PCDH11Y: variants seen among roughly 807,000 people sequenced by gnomAD.
PCDH11Y encodes the protein protocadherin-11 Y-linked.
For missense variants in PCDH11Y, 12 were observed against 224.8 expected, an observed-to-expected ratio of 0.05 and a Z score of 6.05; for synonymous variants, 9 against 83.6, an observed-to-expected ratio of 0.11 and a Z score of 4.87.
At position 5,099,610 on chromosome Y, in the gene PCDH11Y, G is replaced by T. The variant is rs2052767458; in HGVS notation, c.2032G>T (p.Glu678Ter). Residue 678 changes from glutamate (E) to a stop codon, truncating the protein, a stop_gained, in exon 2 of 2, where the codon GAG becomes TAG. Transcript: ENST00000215473. LOFTEE classifies it high-confidence loss of function. Reference sequence around the variant, plus strand: ...ATCTTACACTTTCTATGTAAAGGCTGAGGATGGTGGTAGAGTATCACGTTC... The same window carrying T: ...ATCTTACACTTTCTATGTAAAGGCTTAGGATGGTGGTAGAGTATCACGTTC... 2.6e-6 allele frequency: 1 copy of T among 388,546 alleles called. No homozygotes were observed. Among genetic ancestry groups the T allele is most frequent in the African/African-American group, 7.0e-5 (1 of 14,349 alleles).
intron 1 of PCDH11Y, among the ~76,000 whole-genome samples, chrY:5,093,425 A>G: frequency 3.0e-5 from 1 of 33,175 alleles, no homozygotes; most frequent in Non-Finnish European, 7.5e-5. Flanking sequence ...CCAAAAATCA[A>G]CATATCATGT....
intron 2 of PCDH11Y, among the ~76,000 whole-genome samples, chrY:5,460,959 C>T (rs2053302654): frequency 6.1e-5 from 2 of 32,924 alleles, no homozygotes; most frequent in Non-Finnish European, 1.5e-4. Context: ...GTATTTTCTA[C>T]GGTATTGAAA....
chrY:5,190,220 A>G, intron 2 of PCDH11Y, among the ~76,000 whole-genome samples: 2 of 33,190 alleles, frequency 6.0e-5, no homozygotes, highest in Admixed American at 5.6e-4. Flanking sequence ...AACTTAATTT[A>G]TAGAGGAGGG....
chrY:5,682,098 T>G, intron 4 of PCDH11Y, among the ~76,000 whole-genome samples: 1 of 31,111 alleles, frequency 3.2e-5, no homozygotes. Flanking sequence ...AACCAGTCAC[T>G]AAAAAGTTTC....
intron 1 of PCDH11Y, among the ~76,000 whole-genome samples, chrY:5,014,730 A>G: frequency 3.0e-5 from 1 of 33,089 alleles, no homozygotes; most frequent in Admixed American, 2.8e-4. Flanking sequence ...TAGACTGTTA[A>G]TAATACACTA....
chrY:5,125,591 C>T (rs2052824213), intron 2 of PCDH11Y, among the ~76,000 whole-genome samples: 1 of 33,723 alleles, frequency 3.0e-5, no homozygotes, highest in African/African-American at 1.2e-4. Flanking sequence ...TATCATATCA[C>T]TTGCAGTTTT....
At chrY:5,327,014 G>T in intron 2 of PCDH11Y, among the ~76,000 whole-genome samples, 1 of 32,968 alleles carries the variant, frequency 3.0e-5, no homozygotes, top group African/African-American at 1.2e-4. Flanking sequence ...TTGTTGTTTT[G>T]TAAGGGATTG....
intron 2 of PCDH11Y, among the ~76,000 whole-genome samples, chrY:5,316,431 A>G: frequency 3.0e-5 from 1 of 32,926 alleles, no homozygotes; most frequent in Non-Finnish European, 7.5e-5. Context: ...AATAAGACCT[A>G]AAAGAGTGCC....
chrY:5,190,811 A>AT (rs1481382789), intron 2 of PCDH11Y, among the ~76,000 whole-genome samples: 60 of 27,732 alleles, frequency 2.2e-3, no homozygotes, highest in East Asian at 0.013. Flanking sequence ...CAGTTCTTTG[A>AT]TTTTTTTTTT....
intron 1 of PCDH11Y, among the ~76,000 whole-genome samples, chrY:5,093,488 G>T: frequency 3.1e-5 from 1 of 32,575 alleles, no homozygotes; most frequent in Non-Finnish European, 7.6e-5. Context: ...CCTGATTTTT[G>T]TTTTCTTTGT....
intron 2 of PCDH11Y, among the ~76,000 whole-genome samples, chrY:5,346,231 TA>T (rs2053152406): frequency 3.0e-5 from 1 of 33,090 alleles, no homozygotes; most frequent in Non-Finnish European, 7.4e-5. Flanking sequence ...TTACTTTATT[TA>T]TTTATTTATT....
At chrY:5,396,294 G>A (rs62608376) in intron 2 of PCDH11Y, among the ~76,000 whole-genome samples, 3 of 16,549 alleles carry the variant, frequency 1.8e-4, no homozygotes, top group Non-Finnish European at 5.6e-4. Context: ...TTGTAGAGAC[G>A]GAAGTCTCAC....
chrY:5,021,145 A>C, intron 1 of PCDH11Y, among the ~76,000 whole-genome samples: 2 of 33,414 alleles, frequency 6.0e-5, no homozygotes, highest in Non-Finnish European at 1.5e-4. Flanking sequence ...AGGTCCGAGA[A>C]AGTTGCCAGG....
intron 1 of PCDH11Y, among the ~76,000 whole-genome samples, chrY:5,069,359 A>G: frequency 5.9e-5 from 2 of 33,680 alleles, no homozygotes; most frequent in African/African-American, 2.3e-4. Context: ...GTTTGCTTCT[A>G]TGCACTGATC....
At chrY:5,471,241 T>C in intron 2 of PCDH11Y, among the ~76,000 whole-genome samples, 2 of 32,013 alleles carry the variant, frequency 6.2e-5, no homozygotes. Context: ...GTTTTGTACA[T>C]GGTAACTAGA....
intron 3 of PCDH11Y, among the ~76,000 whole-genome samples, chrY:5,534,379 T>C: frequency 2.9e-5 from 1 of 33,971 alleles, no homozygotes; most frequent in Non-Finnish European, 7.3e-5. Flanking sequence ...AAGCATAGTA[T>C]CCAATAGGTA....
intron 2 of PCDH11Y, among the ~76,000 whole-genome samples, chrY:5,385,647 T>G (rs2053213270): frequency 3.0e-5 from 1 of 33,725 alleles, no homozygotes; most frequent in Non-Finnish European, 7.3e-5. Context: ...AGTGTTCCCT[T>G]TTCACTGCAT....
intron 3 of PCDH11Y, among the ~76,000 whole-genome samples, chrY:5,544,529 G>A: frequency 6.2e-5 from 2 of 32,373 alleles, no homozygotes; most frequent in Non-Finnish European, 1.5e-4. Flanking sequence ...AAGTGTGAAG[G>A]ACTTACAAAA....
intron 4 of PCDH11Y, among the ~76,000 whole-genome samples, chrY:5,587,062 C>T: frequency 3.1e-5 from 1 of 32,569 alleles, no homozygotes; most frequent in Non-Finnish European, 7.6e-5. Context: ...TAGGCACTTA[C>T]AGCTATAAAC....
Sources: allele counts gnomAD v4.1 joint callset (sites outside exome capture counted in the v4.1 genomes callset), GRCh38; gene constraint gnomAD v4.1.1; transcripts MANE v1.5; gene names NCBI Gene and HGNC (gene_info 2026-07-23, HGNC 2026-07-21).